Variants in MRC1 observed in about 807,000 individuals in gnomAD.
MRC1 encodes macrophage mannose receptor 1.
MRC1 carries 62 observed loss-of-function variants against 102.9 expected under a neutral mutation model. The observed-to-expected ratio is 0.60, with a 90% CI of 0.49 to 0.74. The LOEUF (loss-of-function observed/expected upper bound fraction) is 0.74, where lower values mean the gene tolerates loss of function less well. Ranked by LOEUF, MRC1 falls within the 30% of genes least tolerant of loss-of-function variation. The pLI is 0.00. For synonymous variants in MRC1, 457 were observed against 298.4 expected (o/e 1.53, Z -5.48); for missense variants, 1,237 against 862.8 (o/e 1.43, Z -5.43).
rs782399032 is a variant in MRC1 at position 17,866,593 on chromosome 10, C to T, written c.1815C>T (p.Thr605=). Residue 605 remains threonine (T), a synonymous_variant, in exon 12 of 30, where the codon ACC becomes ACT. Coordinates refer to ENST00000569591, the MANE Select transcript of MRC1 (RefSeq NM_002438.4). ...AGCCAGGGTGTGTTGCCATGAGAAC[C>T]GGGATTGCAGGGGGCTTATGGGATG... is the stretch of plus-strand genomic sequence containing the variant. The part of the protein sequence containing the change: ...GRKPGCVAMR[T]GIAGGLWDVL... The T allele has an allele frequency of 3.1e-5, 24 of 780,740 alleles. No individual in the cohort carries two copies. The highest frequency in any genetic ancestry group is 1.9e-4 in the East Asian group (8 of 41,224). 48.4% of individuals were successfully genotyped at this position (780,740 alleles called of 1,614,324 possible).
intron 26 of MRC1, among the ~76,000 whole-genome samples, chr10:17,903,804 A>G (rs2130721474): frequency 6.6e-6 from 1 of 152,144 alleles, no homozygotes; most frequent in East Asian, 1.9e-4. Flanking sequence ...ATCTAGTTCA[A>G]AATTAGCCAA....
chr10:17,878,232 A>G (rs1292841575), intron 18 of MRC1, among the ~76,000 whole-genome samples: 1 of 152,218 alleles, frequency 6.6e-6, no homozygotes. Context: ...TCTGTCAGTA[A>G]ATCATCTACT....
At chr10:17,907,807 T>C (rs1393486035) in intron 28 of MRC1, 109 bp downstream of exon 28, 3 of 731,156 alleles carry the variant, frequency 4.1e-6, no homozygotes, top group African/African-American at 3.5e-5. Flanking sequence ...TTGGAAGCTC[T>C]GTCCTTTCAT....
At chr10:17,879,690 C>A (rs895080101) in intron 18 of MRC1, 31 bp from the exon 19 acceptor site, 1 of 780,656 alleles carries the variant, frequency 1.3e-6, no homozygotes, top group Non-Finnish European at 2.4e-6. Flanking sequence ...ATGATTGGAT[C>A]GTTTCAAAAT....
chr10:17,829,188 T>C (rs1296538016), intron 3 of MRC1, among the ~76,000 whole-genome samples: 1 of 151,452 alleles, frequency 6.6e-6, no homozygotes, highest in Non-Finnish European at 1.5e-5. Flanking sequence ...ATCACGACTA[T>C]CACAACTCAA....
chr10:17,822,759 T>A (rs1589164868), intron 1 of MRC1, among the ~76,000 whole-genome samples: 1 of 152,216 alleles, frequency 6.6e-6, no homozygotes, highest in South Asian at 2.1e-4. Context: ...TATGTTCCAC[T>A]CCTGGACAAT....
rs1833363610 is a variant in MRC1 at position 17,872,203 on chromosome 10, G to A, written c.2344+77G>A. ...ACACCCCAGAATCTTTCCTTTATTA[G>A]CAGAAGCAAACAAACAAAATAACAA... On this transcript the variant is annotated intron_variant, in intron 15 of 29. Transcript: ENST00000569591. 8 of 777,776 alleles carry A rather than the reference G, an allele frequency of 1.0e-5. No homozygotes were observed. The South Asian group carries it at 1.1e-4, about 10-fold the overall frequency. 48.2% of individuals were successfully genotyped at this position (777,776 alleles called of 1,614,324 possible).
At position 17,866,761 on chromosome 10, in the gene MRC1, GGTGA is replaced by G; in HGVS notation, c.1983+3_1983+6del. On this transcript the variant is annotated splice_donor_variant and splice_donor_region_variant and intron_variant, in intron 12 of 29. Coordinates refer to ENST00000569591, the MANE Select transcript of MRC1 (RefSeq NM_002438.4). LOFTEE classifies it high-confidence loss of function. ...GCAGTAGAACAAGCTTGTGTTTCAA[GGTGA>G]GTATCAGTTATAAAGCTGGTAAGAG... 1 of 780,824 alleles carries G rather than the reference GGTGA, an allele frequency of 1.3e-6. No individual in the cohort carries two copies. The highest frequency in any genetic ancestry group is 2.4e-6 in the Non-Finnish European group (1 of 417,954). 48.4% of individuals were successfully genotyped at this position (780,824 alleles called of 1,614,324 possible). A position where few individuals can be genotyped will look rare whatever the true frequency, so the allele number is the denominator to read the frequency against.
chr10:17,883,806 C>G (rs199992859), intron 21 of MRC1, among the ~76,000 whole-genome samples: 24,546 of 152,156 alleles, frequency 0.16, 2,433 homozygotes, highest in East Asian at 0.25. Flanking sequence ...CAGATGGCAG[C>G]TGCCATGGGA....
chr10:17,847,504 C>T (rs1460695134), intron 6 of MRC1, among the ~76,000 whole-genome samples: 2 of 152,168 alleles, frequency 1.3e-5, no homozygotes, highest in African/African-American at 4.8e-5. Flanking sequence ...TCAAATAAAC[C>T]AGAGCTTGGA....
chr10:17,831,979 A>G lies in MRC1; in HGVS notation c.638-1696A>G, dbSNP rs79963498. 1.3e-5 allele frequency among the ~76,000 whole-genome samples: 2 copies of G among 151,726 alleles called. 1 individual carries two copies. The highest frequency in any genetic ancestry group is 4.9e-5 in the African/African-American group (2 of 40,944). ...CTGTGGAATGAAAAAGTTACAAGCA[A>G]CATTTGCTATTGCTAAGCGCTCCAC... On this transcript the variant is annotated intron_variant, in intron 3 of 29. Transcript: ENST00000569591.
chr10:17,875,692 T>C (rs900696147), intron 17 of MRC1, among the ~76,000 whole-genome samples: 3 of 152,252 alleles, frequency 2.0e-5, no homozygotes, highest in Admixed American at 1.3e-4. Context: ...TGGTTCCATA[T>C]GTTTGCAATT....
chr10:17,809,573 C>A (rs2130562159), intron 1 of MRC1, 47 bp downstream of exon 1: 1 of 865,760 alleles, frequency 1.2e-6, no homozygotes, highest in East Asian at 2.4e-5. Flanking sequence ...GGGGCCGGAA[C>A]CACACCTTCC....
intron 9 of MRC1, among the ~76,000 whole-genome samples, chr10:17,857,996 G>T (rs1554840993): frequency 6.6e-6 from 1 of 152,136 alleles, no homozygotes. Flanking sequence ...CAACCCCACA[G>T]GTGAGACTGA....
intron 23 of MRC1, among the ~76,000 whole-genome samples, chr10:17,895,277 C>A (rs1589194717): frequency 2.0e-5 from 3 of 150,978 alleles, no homozygotes; most frequent in African/African-American, 7.3e-5. Context: ...CCTTGCATAG[C>A]AACAGGTTTG....
chr10:17,831,857 G>A (rs1289168982), intron 3 of MRC1, among the ~76,000 whole-genome samples: 1 of 151,538 alleles, frequency 6.6e-6, no homozygotes, highest in Non-Finnish European at 1.5e-5. Flanking sequence ...ATATTTATTT[G>A]TATATCATTG....
At chr10:17,823,038 T>G (rs1174702455) in intron 1 of MRC1, 36 bp from the exon 2 acceptor site, 2 of 779,906 alleles carry the variant, frequency 2.6e-6, no homozygotes, top group Non-Finnish European at 4.8e-6. Flanking sequence ...CATGCTTGCT[T>G]TCTTCTTCTT....
intron 3 of MRC1, among the ~76,000 whole-genome samples, 184 bp downstream of exon 3, chr10:17,827,899 T>A (rs1484373111): frequency 2.0e-5 from 3 of 152,152 alleles, no homozygotes; most frequent in Non-Finnish European, 2.9e-5. Flanking sequence ...TGATCTATAT[T>A]GGCTGAAGAC....
chr10:17,873,866 C>T (rs1833389509), intron 16 of MRC1, 41 bp downstream of exon 16: 2 of 868,620 alleles, frequency 2.3e-6, no homozygotes, highest in Non-Finnish European at 4.0e-6. Context: ...ACTGATAACC[C>T]TTTCTCCGCC....
Sources: gnomAD v4.1 joint callset for allele counts (sites outside exome capture counted in the v4.1 genomes callset) on GRCh38, gnomAD v4.1.1 for gene constraint, MANE v1.5 for transcripts, NCBI Gene and HGNC (gene_info 2026-07-23, HGNC 2026-07-21) for gene names.